The following DENND2C variants were observed in gnomAD, a reference collection of about 807,000 sequenced individuals.
The protein encoded by DENND2C is DENN domain containing 2C.
Under a neutral mutation model 112.4 loss-of-function variants are expected in DENND2C, and 72 were observed. The observed-to-expected ratio is 0.64, with a 90% CI of 0.53 to 0.78. The LOEUF is 0.78. Among genes scored for constraint, DENND2C ranks in the 30% least tolerant of loss-of-function variants. DENND2C has a pLI of 0.00. For missense variants in DENND2C, 992 were observed against 1,113.8 expected, an observed-to-expected ratio of 0.89 and a Z score of 1.56; for synonymous variants, 329 against 381.6, an observed-to-expected ratio of 0.86 and a Z score of 1.61.
intron 9 of DENND2C, among the ~76,000 whole-genome samples, chr1:114,610,839 C>T (rs1655797096): frequency 6.6e-6 from 1 of 152,168 alleles, no homozygotes; most frequent in Non-Finnish European, 1.5e-5. Context: ...ATCATAAGAA[C>T]CATACTGTTT....
At chr1:114,655,025 T>C (rs1657270586) in intron 1 of DENND2C, among the ~76,000 whole-genome samples, 1 of 152,204 alleles carries the variant, frequency 6.6e-6, no homozygotes, top group African/African-American at 2.4e-5. Flanking sequence ...ATGTACAAAC[T>C]GCAAGCCAGG....
chr1:114,648,855 A>G (rs1350220036), intron 2 of DENND2C, among the ~76,000 whole-genome samples: 1 of 152,242 alleles, frequency 6.6e-6, no homozygotes, highest in Non-Finnish European at 1.5e-5. Context: ...ATGGCACGTA[A>G]AACTAACTTT....
At chr1:114,593,621 C>A (rs1190705542) in intron 18 of DENND2C, among the ~76,000 whole-genome samples, 1 of 151,850 alleles carries the variant, frequency 6.6e-6, no homozygotes, top group Non-Finnish European at 1.5e-5. Context: ...CCTGTCTCTA[C>A]AAAAAATAAA....
chr1:114,597,273 G>A (rs144852691), intron 16 of DENND2C, among the ~76,000 whole-genome samples: 1,714 of 151,418 alleles, frequency 0.011, 24 homozygotes, highest in African/African-American at 0.039. Flanking sequence ...GTGAAACCCC[G>A]TCTCTACTAA....
chr1:114,625,036 T>C (rs1391025108), intron 4 of DENND2C, 143 bp downstream of exon 4: 1 of 754,660 alleles, frequency 1.3e-6, no homozygotes, highest in African/African-American at 1.8e-5. Context: ...TTATTTTCCT[T>C]CCACATTAAT....
intron 10 of DENND2C, among the ~76,000 whole-genome samples, chr1:114,606,066 C>T (rs1286439462): frequency 6.6e-6 from 1 of 152,062 alleles, no homozygotes; most frequent in African/African-American, 2.4e-5. Context: ...TAACAATGAT[C>T]TCCCTTTTAA....
intron 2 of DENND2C, among the ~76,000 whole-genome samples, chr1:114,647,815 C>CT (rs891153287): frequency 5.9e-4 from 87 of 146,864 alleles, no homozygotes; most frequent in Middle Eastern, 3.5e-3. Context: ...ACTTTTAACT[C>CT]TTTTTTTTTT....
intron 6 of DENND2C, 75 bp from the exon 7 acceptor site, chr1:114,622,140 G>A: frequency 2.8e-6 from 4 of 1,411,928 alleles, no homozygotes; most frequent in Non-Finnish European, 3.8e-6. Flanking sequence ...TTGAGATGGG[G>A]TCTTGCTCTG....
At chr1:114,662,294 T>C (rs1657514077) in intron 1 of DENND2C, among the ~76,000 whole-genome samples, 1 of 152,272 alleles carries the variant, frequency 6.6e-6, no homozygotes, top group Middle Eastern at 3.4e-3. Context: ...TTTTGTTTTT[T>C]ACTCCAACAG....
intron 4 of DENND2C, 107 bp downstream of exon 4, chr1:114,625,072 G>T: frequency 9.1e-7 from 1 of 1,100,902 alleles, no homozygotes; most frequent in Non-Finnish European, 1.3e-6. Flanking sequence ...CAAAGCAGGG[G>T]CATCACCTAA....
At chr1:114,668,025 T>C (rs1657694451) in intron 1 of DENND2C, among the ~76,000 whole-genome samples, 1 of 152,194 alleles carries the variant, frequency 6.6e-6, no homozygotes, top group South Asian at 2.1e-4. Flanking sequence ...CTTTTGTTTT[T>C]TCAGTACTTA....
intron 11 of DENND2C, among the ~76,000 whole-genome samples, chr1:114,604,491 G>C (rs943458282): frequency 2.6e-5 from 4 of 152,036 alleles, no homozygotes; most frequent in African/African-American, 7.2e-5. Flanking sequence ...TTCCACAGAG[G>C]AACATAAAAG....
At chr1:114,647,412 A>T (rs1445777615) in intron 2 of DENND2C, among the ~76,000 whole-genome samples, 2 of 150,594 alleles carry the variant, frequency 1.3e-5, no homozygotes, top group South Asian at 4.2e-4. Flanking sequence ...TGGGTGCGTG[A>T]TCTCGACTCC....
At chr1:114,637,167 C>T (rs1645615235) in intron 3 of DENND2C, among the ~76,000 whole-genome samples, 1 of 150,994 alleles carries the variant, frequency 6.6e-6, no homozygotes, top group South Asian at 2.1e-4. Flanking sequence ...GTGGTTTTGC[C>T]ATGTTGCCCA....
chr1:114,649,010 A>G (rs538133092), intron 2 of DENND2C, among the ~76,000 whole-genome samples: 36 of 151,442 alleles, frequency 2.4e-4, no homozygotes, highest in African/African-American at 8.7e-4. Context: ...GCTAGAGTGC[A>G]GTGACGTGAT....
chr1:114,662,456 T>A (rs1406598979), intron 1 of DENND2C, among the ~76,000 whole-genome samples: 2 of 151,998 alleles, frequency 1.3e-5, no homozygotes, highest in African/African-American at 2.4e-5. Context: ...GGAAAAAAAA[T>A]AATAATTTCT....
intron 1 of DENND2C, among the ~76,000 whole-genome samples, chr1:114,657,982 T>A (rs549807128): frequency 3.2e-4 from 49 of 152,314 alleles, no homozygotes; most frequent in South Asian, 6.2e-4. Context: ...GGGACAGGTC[T>A]TCCACTGGAA....
intron 7 of DENND2C, among the ~76,000 whole-genome samples, chr1:114,619,518 C>G (rs1046756591): frequency 6.6e-6 from 1 of 152,146 alleles, no homozygotes; most frequent in African/African-American, 2.4e-5. Context: ...CTGTCCCCTG[C>G]CAACCACTCA....
chr1:114,631,048 A>T (rs1041413314), intron 3 of DENND2C, among the ~76,000 whole-genome samples: 3 of 152,276 alleles, frequency 2.0e-5, no homozygotes, highest in Non-Finnish European at 4.4e-5. Flanking sequence ...TAATTTTTAC[A>T]TGAAGACAAC....
Sources: allele counts gnomAD v4.1 joint callset (sites outside exome capture counted in the v4.1 genomes callset), GRCh38; gene constraint gnomAD v4.1.1; transcripts MANE v1.5; gene names NCBI Gene and HGNC (gene_info 2026-07-23, HGNC 2026-07-21).